The following PRELID2 variants were observed in gnomAD, a reference collection of about 807,000 sequenced individuals.
The protein encoded by PRELID2 is PRELI domain containing 2.
A neutral mutation model predicts 28.4 loss-of-function variants in PRELID2; 25 were observed. The observed-to-expected ratio is 0.88, with a 90% CI of 0.64 to 1.23. The LOEUF is 1.23. Ranked by LOEUF, PRELID2 falls within the 50% of genes most tolerant of loss-of-function variation. The probability of loss-of-function intolerance (pLI) is 0.00; values close to 1 mark genes in which losing one functional copy is unlikely to be tolerated. For synonymous variants in PRELID2, 76 were observed against 71.6 expected (o/e 1.06, Z -0.31); for missense variants, 201 against 214.4 (o/e 0.94, Z 0.39).
chr5:145,566,027 T>A (rs1483680873), intron 1 of PRELID2, among the ~76,000 whole-genome samples: 1 of 152,220 alleles, frequency 6.6e-6, no homozygotes, highest in Non-Finnish European at 1.5e-5. Context: ...AGAAGTGGAT[T>A]ACTCCTCTGG....
At chr5:145,281,576 C>T in the PRELID2 span, among the ~76,000 whole-genome samples, 54 of 152,298 alleles carry the variant, frequency 3.5e-4, no homozygotes, top group South Asian at 0.011. Flanking sequence ...CAAAATAAGA[C>T]AGTAATGACA....
At chr5:145,660,706 A>C (rs572544477) in intron 1 of PRELID2, among the ~76,000 whole-genome samples, 1 of 152,192 alleles carries the variant, frequency 6.6e-6, no homozygotes, top group Non-Finnish European at 1.5e-5. Flanking sequence ...AACAGCCTAC[A>C]TTTCCTTTGA....
chr5:145,500,324 T>C (rs1429509519), intron 1 of PRELID2, among the ~76,000 whole-genome samples: 1 of 152,114 alleles, frequency 6.6e-6, no homozygotes, highest in African/African-American at 2.4e-5. Flanking sequence ...TCTCTGGCCA[T>C]GTAAGACGTG....
chr5:145,418,507 C>T, the PRELID2 span, among the ~76,000 whole-genome samples: 8 of 152,062 alleles, frequency 5.3e-5, no homozygotes, highest in Admixed American at 5.2e-4. Context: ...GCTACAGTAA[C>T]CAAAACAGCA....
chr5:145,429,584 G>C, the PRELID2 span, among the ~76,000 whole-genome samples: 1 of 152,170 alleles, frequency 6.6e-6, no homozygotes, highest in Non-Finnish European at 1.5e-5. Flanking sequence ...AGATTACGTA[G>C]GTAGGTCATG....
chr5:145,446,602 A>G, the PRELID2 span, among the ~76,000 whole-genome samples: 2 of 152,150 alleles, frequency 1.3e-5, no homozygotes, highest in African/African-American at 2.4e-5. Flanking sequence ...TGGATATAGA[A>G]CTGGCAATTT....
At chr5:145,588,985 A>C (rs1207968688) in intron 1 of PRELID2, among the ~76,000 whole-genome samples, 3 of 152,102 alleles carry the variant, frequency 2.0e-5, no homozygotes, top group Admixed American at 2.0e-4. Flanking sequence ...AGTATCTATA[A>C]TCTTACCTCT....
At chr5:145,337,727 A>T in the PRELID2 span, among the ~76,000 whole-genome samples, 1 of 27,894 alleles carries the variant, frequency 3.6e-5, no homozygotes, top group African/African-American at 1.6e-4. Context: ...ATATATATAT[A>T]TATACTCACA....
Position 145,758,471 on chromosome 5 carries a change from TTC to T in PRELID2, c.*2063_*2064del, listed in dbSNP as rs1757329361. Among the ~76,000 whole-genome samples, 1 of 152,134 alleles carries T rather than the reference TTC, an allele frequency of 6.6e-6. No individual in the cohort carries two copies. The highest frequency in any genetic ancestry group is 2.1e-4 in the South Asian group (1 of 4,828). On this transcript the variant is annotated 3_prime_UTR_variant, in exon 7 of 7. Coordinates refer to ENST00000683046, the MANE Select transcript of PRELID2 (RefSeq NM_205846.3). Reference sequence around the variant, plus strand: ...GATGCCTTGGTTCCACTACCTGAGATTCTGATTTTTGGTCTGAGAAGCAACCC... The same window carrying T: ...GATGCCTTGGTTCCACTACCTGAGATTGATTTTTGGTCTGAGAAGCAACCC...
the PRELID2 span, among the ~76,000 whole-genome samples, chr5:145,401,512 C>G: frequency 6.6e-6 from 1 of 152,110 alleles, no homozygotes. Flanking sequence ...CTTATAACAG[C>G]TCTATGATGA....
chr5:145,249,238 C>A, the PRELID2 span, among the ~76,000 whole-genome samples: 1 of 152,136 alleles, frequency 6.6e-6, no homozygotes, highest in Non-Finnish European at 1.5e-5. Flanking sequence ...TGCCCCTTCC[C>A]GGCACACAAG....
the PRELID2 span, among the ~76,000 whole-genome samples, chr5:145,259,437 G>C: frequency 1.3e-5 from 2 of 152,198 alleles, no homozygotes; most frequent in African/African-American, 4.8e-5. Context: ...CATAGGGGCA[G>C]AGCTGCACAA....
At chr5:145,605,586 T>C (rs1389482955) in intron 1 of PRELID2, among the ~76,000 whole-genome samples, 2 of 152,158 alleles carry the variant, frequency 1.3e-5, no homozygotes, top group African/African-American at 2.4e-5. Flanking sequence ...GCTTGTAGTT[T>C]AGTTTGAAGT....
intron 1 of PRELID2, among the ~76,000 whole-genome samples, chr5:145,745,372 T>C (rs1004380625): frequency 6.6e-6 from 1 of 152,106 alleles, no homozygotes; most frequent in African/African-American, 2.4e-5. Context: ...ACCACTAAGA[T>C]ATTCCATAGC....
Position 145,472,948 on chromosome 5 carries a change from T to A in PRELID2, n.186+252A>T, listed in dbSNP as rs575841818. Among the ~76,000 whole-genome samples, 25 of 152,282 alleles carry A rather than the reference T, an allele frequency of 1.6e-4. No individual in the cohort carries two copies. The South Asian group carries it at 5.2e-3, about 32-fold the overall frequency. On this transcript the variant is annotated intron_variant and non_coding_transcript_variant, in intron 2 of 2. Transcript: ENST00000510259. ...TCTTTGGAATCTGACCTACCTTTTT[T>A]TAAGGAACCTAGGATAACACATATA...
At chr5:145,541,524 G>GATTC (rs1276800038) in intron 1 of PRELID2, among the ~76,000 whole-genome samples, 1 of 151,968 alleles carries the variant, frequency 6.6e-6, no homozygotes, top group Admixed American at 6.6e-5. Context: ...GCTTCTCACA[G>GATTC]ATGCAGAATG....
chr5:145,726,829 A>C lies in PRELID2; in HGVS notation n.70+38102T>G, dbSNP rs140014878. ...CTTTTCACACTTTGAACTTTCACTC[A>C]AACTGTGGGAGCTTGCTCTGCCCAC... is the stretch of plus-strand genomic sequence containing the variant. On this transcript the variant is annotated intron_variant and non_coding_transcript_variant, in intron 1 of 2. Coordinates refer to the PRELID2 transcript ENST00000510259. Among the ~76,000 whole-genome samples, 583 of 152,296 alleles carry C rather than the reference A, an allele frequency of 3.8e-3. 4 individuals are homozygous for C. The highest frequency in any genetic ancestry group is 0.013 in the African/African-American group (559 of 41,580).
At chr5:145,572,912 C>G (rs936908054) in intron 1 of PRELID2, among the ~76,000 whole-genome samples, 4 of 152,152 alleles carry the variant, frequency 2.6e-5, no homozygotes, top group African/African-American at 9.7e-5. Flanking sequence ...TGTGATTACT[C>G]TTCTGGCATG....
chr5:145,697,837 G>A (rs1272785975), intron 1 of PRELID2, among the ~76,000 whole-genome samples: 4 of 152,144 alleles, frequency 2.6e-5, no homozygotes, highest in African/African-American at 9.7e-5. Flanking sequence ...TTTAATGCTT[G>A]AGAATTACAA....
Sources: allele counts gnomAD v4.1 joint callset (sites outside exome capture counted in the v4.1 genomes callset), GRCh38; gene constraint gnomAD v4.1.1; transcripts MANE v1.5; gene names NCBI Gene and HGNC (gene_info 2026-07-23, HGNC 2026-07-21).